Variants in MIR2052HG observed in about 807,000 individuals in gnomAD.
The protein encoded by MIR2052HG is MIR2052 host gene.
At chr8:74,648,765 A>G (rs960684021) in intron 2 of MIR2052HG, among the ~76,000 whole-genome samples, 1 of 152,202 alleles carries the variant, frequency 6.6e-6, no homozygotes, top group African/African-American at 2.4e-5. Flanking sequence ...GGGTAAGTGA[A>G]CTAAGGAATA....
chr8:74,714,140 G>A (rs536215776), intron 4 of MIR2052HG, among the ~76,000 whole-genome samples: 1 of 152,134 alleles, frequency 6.6e-6, no homozygotes, highest in Non-Finnish European at 1.5e-5. Flanking sequence ...TCCAATCAGG[G>A]TTTATTAAGG....
intron 2 of MIR2052HG, among the ~76,000 whole-genome samples, chr8:74,664,359 A>AT (rs981660129): frequency 6.6e-6 from 1 of 152,052 alleles, no homozygotes; most frequent in Non-Finnish European, 1.5e-5. Context: ...TTAGTAATAG[A>AT]TTTTCTCAGC....
intron 4 of MIR2052HG, among the ~76,000 whole-genome samples, chr8:74,727,849 G>GCTGTACCTACATACTCTCAATTACA (rs1563540979): frequency 6.6e-6 from 1 of 152,042 alleles, no homozygotes; most frequent in African/African-American, 2.4e-5. Flanking sequence ...TTTTCTATGT[G>GCTGTACCTACATACTCTCAATTACA]GTTTTATTAA....
At chr8:74,643,819 CTT>C (rs940403443) in intron 2 of MIR2052HG, among the ~76,000 whole-genome samples, 3 of 152,124 alleles carry the variant, frequency 2.0e-5, no homozygotes, top group African/African-American at 7.2e-5. Context: ...ATTCACCACT[CTT>C]TTTATCATTT....
At chr8:74,707,847 G>A (rs1809426747) in intron 4 of MIR2052HG, among the ~76,000 whole-genome samples, 1 of 152,126 alleles carries the variant, frequency 6.6e-6, no homozygotes, top group Non-Finnish European at 1.5e-5. Context: ...AACCGGAGAT[G>A]ATGATGGATT....
intron 2 of MIR2052HG, among the ~76,000 whole-genome samples, chr8:74,677,211 G>C (rs1344028635): frequency 6.6e-6 from 1 of 151,928 alleles, no homozygotes; most frequent in Non-Finnish European, 1.5e-5. Flanking sequence ...CAAAATTATA[G>C]AGGAATAAGT....
chr8:74,602,628 C>T (rs1169120609), intron 1 of MIR2052HG, among the ~76,000 whole-genome samples: 10 of 151,682 alleles, frequency 6.6e-5, no homozygotes, highest in Non-Finnish European at 1.0e-4. Context: ...TCTCCTGCCT[C>T]AGCCTCCCAA....
At chr8:74,648,555 T>C (rs1464194288) in intron 2 of MIR2052HG, among the ~76,000 whole-genome samples, 1 of 152,156 alleles carries the variant, frequency 6.6e-6, no homozygotes, top group African/African-American at 2.4e-5. Flanking sequence ...AAAAACTTGC[T>C]GGTTTTGCAG....
chr8:74,744,852 A>G (rs1014294362), intron 4 of MIR2052HG, among the ~76,000 whole-genome samples: 1 of 152,218 alleles, frequency 6.6e-6, no homozygotes, highest in Non-Finnish European at 1.5e-5. Flanking sequence ...AGTTCTAACA[A>G]GCAAAAGTGA....
chr8:74,631,685 T>C (rs1808513891), intron 2 of MIR2052HG, among the ~76,000 whole-genome samples: 1 of 152,176 alleles, frequency 6.6e-6, no homozygotes, highest in Non-Finnish European at 1.5e-5. Context: ...AAAAATGCCT[T>C]AGACTGGGTA....
chr8:74,614,435 T>C (rs924104309), intron 2 of MIR2052HG, among the ~76,000 whole-genome samples: 1 of 152,200 alleles, frequency 6.6e-6, no homozygotes, highest in Non-Finnish European at 1.5e-5. Context: ...TTGATCTATT[T>C]GATCTATATT....
intron 2 of MIR2052HG, among the ~76,000 whole-genome samples, chr8:74,668,926 A>G (rs1353405544): frequency 6.6e-6 from 1 of 152,108 alleles, no homozygotes; most frequent in Non-Finnish European, 1.5e-5. Flanking sequence ...CTCCTGCTCA[A>G]TCTTTCTTTC....
chr8:74,730,157 G>A (rs757268123), intron 4 of MIR2052HG, among the ~76,000 whole-genome samples: 5 of 152,118 alleles, frequency 3.3e-5, no homozygotes, highest in Non-Finnish European at 5.9e-5. Context: ...CTGACTCTAA[G>A]AAGATAAGGT....
intron 2 of MIR2052HG, chr8:74,625,438 T>C (rs1170943125): frequency 6.6e-6 from 1 of 152,222 alleles, no homozygotes; most frequent in African/African-American, 2.4e-5. Context: ...GGAAAAGATT[T>C]GAAGGCATTT....
chr8:74,625,667 C>T (rs1808424525), intron 2 of MIR2052HG, among the ~76,000 whole-genome samples: 1 of 151,888 alleles, frequency 6.6e-6, no homozygotes, highest in African/African-American at 2.4e-5. Flanking sequence ...AATTGTTTAC[C>T]CAAATAGTTA....
At chr8:74,714,005 A>G (rs989565873) in intron 4 of MIR2052HG, among the ~76,000 whole-genome samples, 1 of 152,056 alleles carries the variant, frequency 6.6e-6, no homozygotes, top group East Asian at 1.9e-4. Context: ...GAGTCTCCTA[A>G]GAGACTCTCT....
intron 2 of MIR2052HG, among the ~76,000 whole-genome samples, chr8:74,613,848 T>A (rs1449951040): frequency 2.6e-5 from 4 of 152,294 alleles, no homozygotes; most frequent in Middle Eastern, 3.4e-3. Flanking sequence ...AGGTTTTTTT[T>A]AAATATGATG....
chr8:74,719,849 C>CTTTTTTTTTTTTT (rs10647233), intron 4 of MIR2052HG, among the ~76,000 whole-genome samples: 1 of 106,716 alleles, frequency 9.4e-6, no homozygotes. Flanking sequence ...TTTCTTTTTT[C>CTTTTTTTTTTTTT]TTTTTTTTTT....
At chr8:74,753,669 A>G (rs944549789) in intron 5 of MIR2052HG, among the ~76,000 whole-genome samples, 3 of 152,150 alleles carry the variant, frequency 2.0e-5, no homozygotes, top group African/African-American at 7.2e-5. Context: ...GAAAGCCATT[A>G]TTGCAGGTGC....
Sources: gnomAD v4.1 joint callset for allele counts (sites outside exome capture counted in the v4.1 genomes callset) on GRCh38, gnomAD v4.1.1 for gene constraint, MANE v1.5 for transcripts, NCBI Gene and HGNC (gene_info 2026-07-23, HGNC 2026-07-21) for gene names.